The following PTPRG variants were observed in gnomAD, a reference collection of about 807,000 sequenced individuals.
The protein encoded by PTPRG is protein tyrosine phosphatase receptor type G.
In PTPRG, 102 loss-of-function variants were observed where a neutral mutation model predicts 165.3. That is an observed-to-expected ratio of 0.62 (90% confidence interval 0.53 to 0.73). The LOEUF is 0.73. PTPRG is among the 30% of genes least tolerant of loss of function. The pLI is 0.00. For missense variants in PTPRG, 1,866 were observed against 1,861.4 expected, an observed-to-expected ratio of 1.00 and a Z score of -0.05; for synonymous variants, 675 against 669.5, an observed-to-expected ratio of 1.01 and a Z score of -0.13.
intron 1 of PTPRG, among the ~76,000 whole-genome samples, chr3:61,710,157 A>T (rs1301182586): frequency 6.6e-6 from 1 of 152,188 alleles, no homozygotes; most frequent in East Asian, 1.9e-4. Flanking sequence ...TTTTGTTTTG[A>T]TGATGAAGAA....
chr3:62,202,914 T>G (rs540849478), intron 11 of PTPRG, among the ~76,000 whole-genome samples: 3 of 152,312 alleles, frequency 2.0e-5, no homozygotes, highest in African/African-American at 7.2e-5. Context: ...TTGGGTAATA[T>G]CAGTGAAAAG....
intron 4 of PTPRG, among the ~76,000 whole-genome samples, chr3:62,010,890 C>T (rs1045649780): frequency 6.6e-6 from 1 of 152,118 alleles, no homozygotes; most frequent in Admixed American, 6.6e-5. Flanking sequence ...ATTTTTGCTC[C>T]TTTAGCTAAG....
At chr3:62,089,810 G>C (rs7428933) in intron 5 of PTPRG, among the ~76,000 whole-genome samples, 5,940 of 152,254 alleles carry the variant, frequency 0.039, 132 homozygotes, top group East Asian at 0.079. Flanking sequence ...AAAAATGATA[G>C]AAGAGAGCTA....
rs944370017 is a variant in PTPRG, at chr3:62,195,786, A to AT, written c.1327+624dup. Among the ~76,000 whole-genome samples the AT allele has an allele frequency of 5.9e-5, 9 of 151,616 alleles. No homozygotes were observed. In the East Asian group the frequency reaches 9.7e-4, roughly 16 times the overall value. ...CCAAGAGACATAACATTTTAGTGGG[A>AT]TTTTTTTTGTTTGTTTGTTTGTTTT... On this transcript the variant is annotated intron_variant, in intron 10 of 29. Transcript: ENST00000474889. This position sits in a 1 kb window ranked among gnomAD's most constrained non-coding sequence, Gnocchi z 4.4.
rs575737370 is a variant in PTPRG at position 62,070,670 on chromosome 3, G to A, written c.520-7493G>A. On this transcript the variant is annotated intron_variant, in intron 4 of 29. Coordinates refer to ENST00000474889, the MANE Select transcript of PTPRG (RefSeq NM_002841.4). ...CGTTACAAAATAATTTAAAAATCAT[G>A]TTAGATTAGGAGCTTATTTTACAAA... is the stretch of plus-strand genomic sequence containing the variant. Among the ~76,000 whole-genome samples, 4 of 152,308 alleles carry A rather than the reference G, an allele frequency of 2.6e-5. No homozygotes were observed. In the East Asian group the frequency reaches 7.7e-4, roughly 29 times the overall value.
intron 8 of PTPRG, among the ~76,000 whole-genome samples, chr3:62,183,185 C>T (rs946534326): frequency 8.5e-5 from 13 of 152,168 alleles, no homozygotes; most frequent in Admixed American, 7.9e-4. Flanking sequence ...ACAGAATTCC[C>T]GTGAGGATTT....
At chr3:61,892,929 T>G (rs904350445) in intron 2 of PTPRG, among the ~76,000 whole-genome samples, 41 of 152,264 alleles carry the variant, frequency 2.7e-4, no homozygotes, top group South Asian at 2.3e-3. Flanking sequence ...AAGACCATCT[T>G]AAGGGGTTAG....
chr3:61,764,356 T>C (rs1280116885), intron 2 of PTPRG, among the ~76,000 whole-genome samples: 1 of 152,164 alleles, frequency 6.6e-6, no homozygotes, highest in Non-Finnish European at 1.5e-5. Context: ...TAAAAGTGTT[T>C]ATCAAGCACA....
intron 6 of PTPRG, among the ~76,000 whole-genome samples, chr3:62,147,177 G>T (rs1207449173): frequency 1.3e-5 from 2 of 152,184 alleles, no homozygotes; most frequent in African/African-American, 2.4e-5. Context: ...GCAGGGCCTG[G>T]CACCCAGTTT....
At chr3:61,758,452 TTTA>T (rs1411579040) in intron 2 of PTPRG, among the ~76,000 whole-genome samples, 5 of 152,240 alleles carry the variant, frequency 3.3e-5, no homozygotes, top group East Asian at 1.9e-4. Context: ...ATTATCTTAG[TTTA>T]TTATTATTAT....
At chr3:61,600,022 T>G (rs969220432) in intron 1 of PTPRG, among the ~76,000 whole-genome samples, 7 of 151,686 alleles carry the variant, frequency 4.6e-5, no homozygotes, top group Non-Finnish European at 8.8e-5. Context: ...TAGCCAGGTG[T>G]GGTGGTGTAC....
intron 8 of PTPRG, among the ~76,000 whole-genome samples, chr3:62,184,057 G>T (rs1378972889): frequency 6.6e-6 from 1 of 152,130 alleles, no homozygotes; most frequent in African/African-American, 2.4e-5. Flanking sequence ...TTCTCACTCT[G>T]GTTCCTTGGC....
In PTPRG at chr3:61,742,687, T is replaced by C. The variant is rs144625163; in HGVS notation, c.86-6191T>C. On this transcript the variant is annotated intron_variant, in intron 1 of 29. Transcript: ENST00000474889. Reference sequence around the variant, plus strand: ...ACCCACTTTGGCCACCATGTTTTCGTTGTGTGTGAGCAGGGAAGGGAACTT... The same window carrying C: ...ACCCACTTTGGCCACCATGTTTTCGCTGTGTGTGAGCAGGGAAGGGAACTT... 1.3e-3 allele frequency: 2,029 copies of C among 1,605,730 alleles called. 57 individuals carry two copies. The East Asian group carries it at 0.031, about 24-fold the overall frequency.
intron 1 of PTPRG, among the ~76,000 whole-genome samples, chr3:61,584,866 C>G (rs776915831): frequency 9.2e-5 from 14 of 152,178 alleles, no homozygotes; most frequent in Non-Finnish European, 2.1e-4. Flanking sequence ...CGCCAGGTGA[C>G]TTGGTACATG....
At chr3:62,172,687 G>C (rs1705263334) in intron 8 of PTPRG, among the ~76,000 whole-genome samples, 1 of 152,158 alleles carries the variant, frequency 6.6e-6, no homozygotes, top group Non-Finnish European at 1.5e-5. Flanking sequence ...AAGCAGGAAA[G>C]AGCCAAAGCA....
chr3:61,834,475 C>T (rs533693247), intron 2 of PTPRG, among the ~76,000 whole-genome samples: 8 of 151,982 alleles, frequency 5.3e-5, no homozygotes, highest in Non-Finnish European at 1.0e-4. Flanking sequence ...GTGGGAGGAT[C>T]GCTTGAGCCC....
chr3:62,090,722 C>G (rs907335458), intron 5 of PTPRG, among the ~76,000 whole-genome samples: 9 of 152,154 alleles, frequency 5.9e-5, no homozygotes, highest in African/African-American at 2.2e-4. Context: ...ATAATTCTGC[C>G]AAGCATTCTA....
chr3:62,003,593 G>A (rs1468108099), intron 4 of PTPRG, 96 bp downstream of exon 4: 1 of 1,485,792 alleles, frequency 6.7e-7, no homozygotes, highest in Non-Finnish European at 9.1e-7. Context: ...GCAAATCACA[G>A]CTGTACAGTA....
At chr3:61,614,546 A>G (rs976385485) in intron 1 of PTPRG, among the ~76,000 whole-genome samples, 1 of 145,726 alleles carries the variant, frequency 6.9e-6, no homozygotes. Context: ...AGTAGTTGGG[A>G]CCACAGGTGT....
Sources: allele counts gnomAD v4.1 joint callset (sites outside exome capture counted in the v4.1 genomes callset), GRCh38; gene constraint gnomAD v4.1.1; non-coding constraint Gnocchi (gnomAD v3.1); transcripts MANE v1.5; gene names NCBI Gene and HGNC (gene_info 2026-07-23, HGNC 2026-07-21).